The following SPAG16 variants were observed in gnomAD, a reference collection of about 807,000 sequenced individuals.
SPAG16 encodes sperm associated antigen 16.
Under a neutral mutation model 80.4 loss-of-function variants are expected in SPAG16, and 86 were observed. The ratio of observed to expected loss-of-function variants is 1.07; its 90% CI spans 0.90 to 1.28. The LOEUF is 1.28. Among genes scored for constraint, SPAG16 ranks in the 50% most tolerant of loss-of-function variants. The pLI, the probability that SPAG16 is intolerant of heterozygous loss-of-function variation, is 0.00. For missense variants in SPAG16, 870 were observed against 765.3 expected (o/e 1.14, Z -1.61); for synonymous variants, 294 against 265.9 (o/e 1.11, Z -1.03).
At chr2:213,663,189 A>G (rs1262000622) in intron 10 of SPAG16, among the ~76,000 whole-genome samples, 1 of 152,090 alleles carries the variant, frequency 6.6e-6, no homozygotes, top group Non-Finnish European at 1.5e-5. Flanking sequence ...GTTTATTTTC[A>G]TGATGAAATA....
At chr2:213,441,318 G>A (rs549927435) in intron 9 of SPAG16, among the ~76,000 whole-genome samples, 19 of 152,304 alleles carry the variant, frequency 1.2e-4, no homozygotes, top group Admixed American at 9.8e-4. Flanking sequence ...CTATGAAAAT[G>A]TAGAAAGCAC....
At chr2:213,908,394 C>T (rs896396049) in intron 11 of SPAG16, among the ~76,000 whole-genome samples, 1 of 152,178 alleles carries the variant, frequency 6.6e-6, no homozygotes, top group Admixed American at 6.5e-5. Context: ...CAAGAAAACT[C>T]ATTGCAAAGT....
intron 11 of SPAG16, among the ~76,000 whole-genome samples, chr2:213,913,126 T>C (rs1033749176): frequency 6.6e-6 from 1 of 152,128 alleles, no homozygotes; most frequent in Non-Finnish European, 1.5e-5. Context: ...CATTAAGATA[T>C]GTCAGAATGT....
intron 15 of SPAG16, among the ~76,000 whole-genome samples, chr2:214,153,046 G>T (rs2056052552): frequency 1.3e-5 from 2 of 152,038 alleles, no homozygotes; most frequent in Non-Finnish European, 2.9e-5. Flanking sequence ...CTAGTGTCAG[G>T]CCCTCCACAA....
Position 214,410,212 on chromosome 2 carries a change from AATTG to A in SPAG16, c.1796_1799del (p.Leu599TrpfsTer73). ...GATCTTAAATCTGGGGAGATTCACA[AATTG>A]ATGGGCCACGAAAACGAGGCACACA... On this transcript the variant is annotated frameshift_variant, in exon 16 of 16. Transcript: ENST00000331683. LOFTEE classifies it high-confidence loss of function. The A allele has an allele frequency of 6.2e-7, 1 of 1,613,664 alleles. No individual in the cohort carries two copies. Among genetic ancestry groups the A allele is most frequent in the Middle Eastern group, 1.7e-4 (1 of 6,058 alleles).
intron 10 of SPAG16, among the ~76,000 whole-genome samples, chr2:213,689,062 C>T (rs1461022009): frequency 1.3e-5 from 2 of 152,142 alleles, no homozygotes; most frequent in African/African-American, 4.8e-5. Context: ...CTGGTTCAAG[C>T]AATTCTCCTG....
At chr2:213,829,506 A>T (rs1271511956) in intron 10 of SPAG16, among the ~76,000 whole-genome samples, 1 of 152,126 alleles carries the variant, frequency 6.6e-6, no homozygotes, top group African/African-American at 2.4e-5. Flanking sequence ...TGGCCAAGCA[A>T]GTACCTAAGG....
At chr2:213,754,400 C>A (rs1165796704) in intron 10 of SPAG16, among the ~76,000 whole-genome samples, 1 of 152,126 alleles carries the variant, frequency 6.6e-6, no homozygotes, top group East Asian at 1.9e-4. Flanking sequence ...AGGATTTGCT[C>A]ATTTTTATTT....
chr2:213,537,868 A>G (rs2076304327), intron 10 of SPAG16, among the ~76,000 whole-genome samples: 1 of 152,148 alleles, frequency 6.6e-6, no homozygotes, highest in Admixed American at 6.5e-5. Context: ...TCCTGATGTT[A>G]ACATACTTGG....
chr2:213,341,163 C>A (rs2064667145), intron 6 of SPAG16, among the ~76,000 whole-genome samples: 1 of 152,092 alleles, frequency 6.6e-6, no homozygotes, highest in Non-Finnish European at 1.5e-5. Context: ...TTTATTTCTT[C>A]ATTTAATCAT....
intron 15 of SPAG16, among the ~76,000 whole-genome samples, chr2:214,314,257 G>T (rs902851640): frequency 2.6e-5 from 4 of 152,078 alleles, no homozygotes; most frequent in Non-Finnish European, 4.4e-5. Flanking sequence ...TTTTTCATAA[G>T]TTAGTTCCAT....
At chr2:213,670,730 A>G (rs1159652519) in intron 10 of SPAG16, among the ~76,000 whole-genome samples, 2 of 152,334 alleles carry the variant, frequency 1.3e-5, no homozygotes, top group East Asian at 1.9e-4. Flanking sequence ...TATGCATGCA[A>G]ATATAAAACT....
chr2:213,700,103 A>C (rs1254872924), intron 10 of SPAG16, among the ~76,000 whole-genome samples: 1 of 152,204 alleles, frequency 6.6e-6, no homozygotes, highest in Non-Finnish European at 1.5e-5. Context: ...AGAAATGTGT[A>C]TACATGCATG....
At chr2:214,097,951 A>T (rs1641090399) in intron 13 of SPAG16, among the ~76,000 whole-genome samples, 1 of 152,068 alleles carries the variant, frequency 6.6e-6, no homozygotes, top group South Asian at 2.1e-4. Flanking sequence ...TATTTTACAG[A>T]TGAGAAAACT....
Position 214,104,724 on chromosome 2 carries a change from T to C in SPAG16, c.1528-3472T>C, listed in dbSNP as rs565031097. ...AGTAGTAAATCAACAAGTCTTCTTT[T>C]GCTTATTATGTCTGACGTGCTGCAT... On this transcript the variant is annotated intron_variant, in intron 13 of 15. Coordinates refer to ENST00000331683, the MANE Select transcript of SPAG16 (RefSeq NM_024532.5). 3.9e-5 allele frequency among the ~76,000 whole-genome samples: 6 copies of C among 152,282 alleles called. No individual in the cohort carries two copies. The South Asian group carries it at 1.2e-3, about 32-fold the overall frequency.
At chr2:214,265,744 G>A (rs1691517082) in intron 15 of SPAG16, among the ~76,000 whole-genome samples, 1 of 151,604 alleles carries the variant, frequency 6.6e-6, no homozygotes, top group Non-Finnish European at 1.5e-5. Flanking sequence ...TTTACATTTA[G>A]GTATATAATT....
intron 15 of SPAG16, among the ~76,000 whole-genome samples, chr2:214,288,871 C>T (rs943039585): frequency 6.6e-6 from 1 of 151,998 alleles, no homozygotes; most frequent in Non-Finnish European, 1.5e-5. Context: ...CCGGTTCACG[C>T]CATTCTTCTG....
chr2:214,220,789 A>G (rs1184263335), intron 15 of SPAG16, among the ~76,000 whole-genome samples: 23 of 152,196 alleles, frequency 1.5e-4, no homozygotes, highest in Admixed American at 1.5e-3. Flanking sequence ...ACGTAATAAA[A>G]TTAACATGGT....
At chr2:213,448,940 C>T (rs2071519227) in intron 9 of SPAG16, among the ~76,000 whole-genome samples, 1 of 152,184 alleles carries the variant, frequency 6.6e-6, no homozygotes. Context: ...TAAGGTCTGA[C>T]TGCCAGTGGG....
Sources: allele counts gnomAD v4.1 joint callset (sites outside exome capture counted in the v4.1 genomes callset), GRCh38; gene constraint gnomAD v4.1.1; transcripts MANE v1.5; gene names NCBI Gene and HGNC (gene_info 2026-07-23, HGNC 2026-07-21).